ANO5: variants seen among roughly 807,000 people sequenced by gnomAD.
ANO5 encodes anoctamin-5.
Under a neutral mutation model 121.0 loss-of-function variants are expected in ANO5, and 109 were observed. The ratio of observed to expected loss-of-function variants is 0.90; its 90% CI spans 0.77 to 1.06. The LOEUF is 1.06. Ranked by LOEUF, ANO5 falls within the 50% of genes least tolerant of loss-of-function variation. The probability of loss-of-function intolerance (pLI) is 0.00; values close to 1 mark genes in which losing one functional copy is unlikely to be tolerated. For missense variants in ANO5, 1,064 were observed against 1,078.5 expected, an observed-to-expected ratio of 0.99 and a Z score of 0.19; for synonymous variants, 406 against 359.9, an observed-to-expected ratio of 1.13 and a Z score of -1.45.
At chr11:22,274,185 CACACACA>C in intron 19 of ANO5, among the ~76,000 whole-genome samples, 1 of 150,580 alleles carries the variant, frequency 6.6e-6, no homozygotes, top group East Asian at 1.9e-4. Flanking sequence ...CACACACACA[CACACACA>C]CCCGCAGTCC....
intron 9 of ANO5, among the ~76,000 whole-genome samples, chr11:22,244,599 T>C (rs1455218135): frequency 2.6e-5 from 4 of 151,572 alleles, no homozygotes; most frequent in African/African-American, 9.7e-5. Context: ...TTTTTAACTT[T>C]TGTCTGGCTC....
At chr11:22,268,915 G>A (rs183556840) in intron 17 of ANO5, among the ~76,000 whole-genome samples, 3 of 152,146 alleles carry the variant, frequency 2.0e-5, no homozygotes, top group African/African-American at 7.2e-5. Flanking sequence ...CTACTTGAGA[G>A]GTGGAGGCAG....
chr11:22,219,554 T>C (rs1189666451), intron 4 of ANO5, among the ~76,000 whole-genome samples: 1 of 17,564 alleles, frequency 5.7e-5, no homozygotes, highest in East Asian at 4.5e-4. Flanking sequence ...AGAGGACTAT[T>C]TTTTTCTTTT....
chr11:22,279,616 A>T lies in ANO5; in HGVS notation c.2593A>T (p.Ile865Phe). The change falls in exon 22 of 22, where the codon ATC (isoleucine) becomes TTC (phenylalanine). Residue 865 changes from isoleucine to phenylalanine, a missense_variant. By Grantham distance (21) the Ile-to-Phe change is conservative. Transcript: ENST00000324559. Reference protein sequence around the residue: ...PDVPKDVVERIKREKLMTIKI... With the variant: ...PDVPKDVVERFKREKLMTIKI... ...TGTTCCAAAAGATGTTGTGGAGAGA[A>T]TCAAGAGAGAAAAGTTAATGACTAT... 6.2e-7 allele frequency: 1 copy of T among 1,613,074 alleles called. No individual in the cohort carries two copies. Among genetic ancestry groups the T allele is most frequent in the East Asian group, 2.2e-5 (1 of 44,840 alleles).
intron 17 of ANO5, among the ~76,000 whole-genome samples, chr11:22,269,844 T>A (rs141465464): frequency 2.6e-5 from 4 of 152,360 alleles, no homozygotes; most frequent in African/African-American, 9.6e-5. Flanking sequence ...TCATAATATA[T>A]CATCTTTTTA....
At chr11:22,238,284 T>G (rs7929168) in intron 8 of ANO5, among the ~76,000 whole-genome samples, 9,231 of 132,762 alleles carry the variant, frequency 0.07, 966 homozygotes, top group African/African-American at 0.32. Flanking sequence ...CATAGTTTTT[T>G]TTTTTTTTTT....
Position 22,274,786 on chromosome 11 carries a change from C to A in ANO5, c.2414+39C>A, listed in dbSNP as rs747134964. 5.3e-5 allele frequency: 85 copies of A among 1,601,080 alleles called. 1 individual carries two copies. The Admixed American group carries it at 1.4e-3, about 26-fold the overall frequency. On this transcript the variant is annotated intron_variant, in intron 20 of 21. Transcript: ENST00000324559. ...TTGTTTGTTTAGGTTTTAGTTTTATCCCTTAAGCGTATTTCTTAAGTTATC... is the reference window on the plus strand; with the variant it reads ...TTGTTTGTTTAGGTTTTAGTTTTATACCTTAAGCGTATTTCTTAAGTTATC...
chr11:22,265,013 T>G (rs11026482), intron 17 of ANO5, among the ~76,000 whole-genome samples: 20,144 of 152,092 alleles, frequency 0.13, 3,848 homozygotes, highest in African/African-American at 0.42. Context: ...CCAGAAAAAG[T>G]TAATTGAGTC....
intron 9 of ANO5, among the ~76,000 whole-genome samples, chr11:22,240,385 T>C (rs7118284): frequency 0.059 from 8,939 of 152,076 alleles, 895 homozygotes; most frequent in African/African-American, 0.21. Flanking sequence ...AGGCAGTGTT[T>C]TTTCCTTGAT....
intron 12 of ANO5, among the ~76,000 whole-genome samples, chr11:22,255,091 T>C (rs1853949497): frequency 6.6e-6 from 1 of 152,148 alleles, no homozygotes; most frequent in Non-Finnish European, 1.5e-5. Flanking sequence ...TTACTTCAAA[T>C]TGTCTGAATG....
At chr11:22,202,820 G>C (rs547075838) in intron 1 of ANO5, among the ~76,000 whole-genome samples, 2 of 152,072 alleles carry the variant, frequency 1.3e-5, no homozygotes, top group African/African-American at 4.8e-5. Context: ...CTGTGCCTCT[G>C]TTCCCTCTTC....
intron 1 of ANO5, among the ~76,000 whole-genome samples, chr11:22,198,838 A>G (rs1851884255): frequency 6.6e-6 from 1 of 152,188 alleles, no homozygotes; most frequent in South Asian, 2.1e-4. Context: ...CCTATTCTTT[A>G]TCTATTCACT....
chr11:22,196,196 T>C (rs144723592), intron 1 of ANO5, among the ~76,000 whole-genome samples: 186 of 152,322 alleles, frequency 1.2e-3, no homozygotes, highest in African/African-American at 4.2e-3. Flanking sequence ...GAGCATGGTA[T>C]TGGCATCTGA....
At chr11:22,212,376 G>C (rs1852309658) in intron 3 of ANO5, among the ~76,000 whole-genome samples, 1 of 151,756 alleles carries the variant, frequency 6.6e-6, no homozygotes, top group African/African-American at 2.4e-5. Context: ...TTTTTGTTTG[G>C]TTTATTTTTC....
At chr11:22,260,726 T>G (rs1821050150) in intron 15 of ANO5, among the ~76,000 whole-genome samples, 1 of 152,212 alleles carries the variant, frequency 6.6e-6, no homozygotes, top group South Asian at 2.1e-4. Flanking sequence ...TAAAATAATT[T>G]GTGATACTCT....
At chr11:22,274,205 C>G (rs1361296272) in intron 19 of ANO5, among the ~76,000 whole-genome samples, 1 of 151,306 alleles carries the variant, frequency 6.6e-6, no homozygotes, top group East Asian at 1.9e-4. Flanking sequence ...CGCAGTCCTA[C>G]CTCATTGAGT....
chr11:22,231,915 G>A (rs1853054415), intron 7 of ANO5, among the ~76,000 whole-genome samples: 1 of 151,914 alleles, frequency 6.6e-6, no homozygotes, highest in Non-Finnish European at 1.5e-5. Context: ...CGCATAAAAT[G>A]ATAGAGGTCC....
At chr11:22,277,294 A>G (rs1461154678) in intron 21 of ANO5, among the ~76,000 whole-genome samples, 1 of 151,596 alleles carries the variant, frequency 6.6e-6, no homozygotes, top group Admixed American at 6.6e-5. Context: ...CTCAGAAAAC[A>G]GGAAGTATTT....
rs1246481160 is a variant in ANO5 at position 22,282,854 on chromosome 11, C to T, written c.*3089C>T. On this transcript the variant is annotated 3_prime_UTR_variant, in exon 22 of 22. Coordinates refer to ENST00000324559, the MANE Select transcript of ANO5 (RefSeq NM_213599.3). Reference sequence around the variant, plus strand: ...AATCTATTGTTTTGAAAGAAACTCTCTCATATTTCCTTTAAATTGTTAATA... The same window carrying T: ...AATCTATTGTTTTGAAAGAAACTCTTTCATATTTCCTTTAAATTGTTAATA... 2 of 152,114 alleles carry T rather than the reference C, an allele frequency of 1.3e-5. No homozygotes were observed. Among genetic ancestry groups the T allele is most frequent in the African/African-American group, 4.8e-5 (2 of 41,428 alleles). The allele number at this position is 152,114 out of a possible 1,614,324, so 9.4% of individuals were successfully genotyped here. A position where few individuals can be genotyped will look rare whatever the true frequency, so the allele number is the denominator to read the frequency against.
Sources: gnomAD v4.1 joint callset for allele counts (sites outside exome capture counted in the v4.1 genomes callset) on GRCh38, gnomAD v4.1.1 for gene constraint, MANE v1.5 for transcripts, NCBI Gene and HGNC (gene_info 2026-07-23, HGNC 2026-07-21) for gene names.